CUBN: variants seen among roughly 807,000 people sequenced by gnomAD.
The protein encoded by CUBN is cubilin, also known as 460 kDa receptor.
In CUBN, 282 loss-of-function variants were observed where a neutral mutation model predicts 405.3. The ratio of observed to expected loss-of-function variants is 0.70; its 90% CI spans 0.63 to 0.77. The LOEUF is 0.77. Ranked by LOEUF, CUBN falls within the 30% of genes least tolerant of loss-of-function variation. The pLI is 0.00. For missense variants in CUBN, 4,514 were observed against 4,475.2 expected (o/e 1.01, Z -0.25); for synonymous variants, 1,684 against 1,617.0 (o/e 1.04, Z -0.99).
intron 36 of CUBN, among the ~76,000 whole-genome samples, chr10:16,944,090 C>G (rs1305003610): frequency 4.6e-5 from 7 of 152,124 alleles, no homozygotes; most frequent in African/African-American, 1.7e-4. Context: ...GAACTGAGAC[C>G]TATCACTTTC....
chr10:16,999,808 T>C (rs1833830069), intron 28 of CUBN, among the ~76,000 whole-genome samples: 1 of 152,222 alleles, frequency 6.6e-6, no homozygotes, highest in African/African-American at 2.4e-5. Context: ...ACAGGGCTCT[T>C]GCAGGGAAAA....
chr10:17,120,655 G>A (rs1333173256), intron 6 of CUBN, among the ~76,000 whole-genome samples: 2 of 152,226 alleles, frequency 1.3e-5, no homozygotes, highest in Non-Finnish European at 2.9e-5. Context: ...ATATGTGTGT[G>A]TGGATAAAGA....
chr10:16,888,178 C>T (rs185687066), intron 56 of CUBN, among the ~76,000 whole-genome samples: 60 of 152,158 alleles, frequency 3.9e-4, no homozygotes, highest in Admixed American at 2.7e-3. Context: ...GTGCCAATAG[C>T]GAATAACAAG....
chr10:16,937,655 C>G lies in CUBN; in HGVS notation c.5863G>C (p.Gly1955Arg), dbSNP rs1384236191. The part of the protein sequence containing the change: ...FYSDSSISGK[G>R]FLLEWFAVDA... Reference sequence around the variant, plus strand: ...ACTGCAAACCACTCCAGAAGGAATCCCTTCCCTGAGATTGAAGAGTCGGAG... The same window carrying G: ...ACTGCAAACCACTCCAGAAGGAATCGCTTCCCTGAGATTGAAGAGTCGGAG... The change falls in exon 39 of 67, where the codon GGA becomes CGA. Residue 1955 changes from glycine (G) to arginine (R), a missense_variant. By Grantham distance (125) the Gly-to-Arg change is moderately radical. Around this residue, in one of 5 missense-constraint regions of CUBN, gnomAD observed 1,613 missense variants for 1,542.8 expected, o/e 1.05. Transcript: ENST00000377833. 3 of 1,613,850 alleles carry G rather than the reference C, an allele frequency of 1.9e-6. No individual in the cohort carries two copies. Among genetic ancestry groups the G allele is most frequent in the Admixed American group, 1.7e-5 (1 of 59,968 alleles).
intron 13 of CUBN, among the ~76,000 whole-genome samples, chr10:17,100,485 C>T (rs1836471625): frequency 6.6e-6 from 1 of 151,982 alleles, no homozygotes; most frequent in African/African-American, 2.4e-5. Flanking sequence ...ATAGATTTAC[C>T]CCAATTTCAT....
At position 16,939,106 on chromosome 10, in the gene CUBN, C is replaced by T. The variant is rs199693560; in HGVS notation, c.5590G>A (p.Ala1864Thr). ...DNIVGTHGKV[A>T]SPFWPENYPH... ...TAGTTTTCAGGCCAGAAAGGAGAGG[C>T]GACTTTCCCATGAGTTCCCACAATA... The change falls in exon 38 of 67, where the codon GCC (alanine) becomes ACC (threonine). Residue 1864 changes from alanine (A) to threonine (T), a missense_variant. Ala to Thr is a moderately conservative substitution (Grantham distance 58, BLOSUM62 0). Transcript: ENST00000377833. The T allele has an allele frequency of 5.2e-5, 84 of 1,613,730 alleles. No individual in the cohort carries two copies. The highest frequency in any genetic ancestry group is 8.0e-5 in the African/African-American group (6 of 74,870).
At chr10:16,986,718 A>G (rs1001902421) in intron 29 of CUBN, among the ~76,000 whole-genome samples, 2 of 151,872 alleles carry the variant, frequency 1.3e-5, no homozygotes, top group African/African-American at 4.8e-5. Flanking sequence ...GTGTAGAGCC[A>G]GCTTTCTTTC....
At chr10:16,991,864 C>G (rs1431770113) in intron 28 of CUBN, among the ~76,000 whole-genome samples, 1 of 152,072 alleles carries the variant, frequency 6.6e-6, no homozygotes, top group Non-Finnish European at 1.5e-5. Flanking sequence ...CTACAAATAC[C>G]ATTTGACCCA....
At chr10:16,875,264 C>T (rs1042239785) in intron 57 of CUBN, among the ~76,000 whole-genome samples, 11 of 152,056 alleles carry the variant, frequency 7.2e-5, no homozygotes, top group African/African-American at 2.7e-4. Flanking sequence ...CCTTCTTATC[C>T]ACAATATAAA....
rs780087832 is a variant in CUBN, at chr10:16,940,059, T to A, written c.5521A>T (p.Thr1841Ser). 5.6e-6 allele frequency: 9 copies of A among 1,614,036 alleles called. No homozygotes were observed. Among genetic ancestry groups the A allele is most frequent in the Non-Finnish European group, 7.6e-6 (9 of 1,179,894 alleles). The change falls in exon 37 of 67, where the codon ACG becomes TCG. Residue 1841 changes from threonine (T) to serine (S), a missense_variant. This residue lies in a region of CUBN where 1,613 missense variants were observed against 1,542.8 expected (regional missense o/e 1.05). Transcript: ENST00000377833. ...RFISDGSGSG[T>S]GFQATFMKIF... ...TTCATAAATGTGGCCTGGAAGCCCG[T>A]GCCGCTGCCAGAACCATCTGAGATA...
intron 31 of CUBN, chr10:16,965,948 T>C (rs1843380064): frequency 2.1e-6 from 1 of 471,086 alleles, no homozygotes; most frequent in Non-Finnish European, 4.4e-6. Context: ...AAACCCCATC[T>C]GTCTGACGTC....
At chr10:16,955,619 G>A (rs1843041182) in intron 31 of CUBN, among the ~76,000 whole-genome samples, 1 of 152,010 alleles carries the variant, frequency 6.6e-6, no homozygotes, top group African/African-American at 2.4e-5. Flanking sequence ...TAAATCAGGG[G>A]GGAAATGAGT....
At chr10:16,960,720 A>G (rs1843194873) in intron 31 of CUBN, among the ~76,000 whole-genome samples, 1 of 152,186 alleles carries the variant, frequency 6.6e-6, no homozygotes, top group Non-Finnish European at 1.5e-5. Flanking sequence ...CATAGATTCA[A>G]TGCTGTAAAC....
At position 17,114,304 on chromosome 10, in the gene CUBN, C is replaced by T. The variant is rs1836838306; in HGVS notation, c.721-115G>A. ...TCCTCTAACGTTCATTTCCATAAGGCCAATCCACTGGCTTCTCTTTTTCTT... is the reference window on the plus strand; with the variant it reads ...TCCTCTAACGTTCATTTCCATAAGGTCAATCCACTGGCTTCTCTTTTTCTT... On this transcript the variant is annotated intron_variant, in intron 7 of 66. Transcript: ENST00000377833. 7 of 1,008,216 alleles carry T rather than the reference C, an allele frequency of 6.9e-6. No homozygotes were observed. In the South Asian group the frequency reaches 9.7e-5, roughly 14 times the overall value. The allele number at this position is 1,008,216 out of a possible 1,614,324, so 62.5% of individuals were successfully genotyped here.
intron 45 of CUBN, 122 bp downstream of exon 45, chr10:16,918,500 A>G (rs2131464218): frequency 1.4e-6 from 1 of 727,906 alleles, no homozygotes; most frequent in East Asian, 2.7e-5. Context: ...ATTAGGTACT[A>G]GGCATAGTAC....
Position 16,840,466 on chromosome 10 carries a change from G to A in CUBN, c.9896C>T (p.Pro3299Leu). Residue 3299 changes from proline (P) to leucine (L), a missense_variant, in exon 62 of 67, where the codon CCA becomes CTA. Around this residue, in one of 5 missense-constraint regions of CUBN, gnomAD observed 1,186 missense variants for 1,186.9 expected, o/e 1.00. Transcript: ENST00000377833. ...AGTACAGATGGAAAATGGGACATCT[G>A]GGTCTGATGAATTGGGTGATGAAAT... ...QNISSPNSSD[P>L]DVPFSICTWV... The A allele has an allele frequency of 6.2e-7, 1 of 1,613,900 alleles. No individual in the cohort carries two copies. The highest frequency in any genetic ancestry group is 1.1e-5 in the South Asian group (1 of 91,024).
chr10:17,014,547 G>A (rs146184058), intron 28 of CUBN, among the ~76,000 whole-genome samples: 138 of 152,258 alleles, frequency 9.1e-4, no homozygotes, highest in African/African-American at 3.0e-3. Context: ...GGCTGCTTTC[G>A]TTCCTTGCTG....
At chr10:16,882,108 C>A (rs1840679495) in intron 56 of CUBN, among the ~76,000 whole-genome samples, 1 of 152,210 alleles carries the variant, frequency 6.6e-6, no homozygotes, top group African/African-American at 2.4e-5. Context: ...TTTGGAAAAA[C>A]TTCTTCAAGA....
At chr10:17,032,502 T>G (rs1321629307) in intron 27 of CUBN, among the ~76,000 whole-genome samples, 2 of 152,148 alleles carry the variant, frequency 1.3e-5, no homozygotes, top group African/African-American at 4.8e-5. Context: ...ATCCCTGTTC[T>G]CCTGTGAGCA....
Sources: allele counts gnomAD v4.1 joint callset (sites outside exome capture counted in the v4.1 genomes callset), GRCh38; gene constraint gnomAD v4.1.1; regional missense constraint gnomAD v4.1.1; transcripts MANE v1.5; gene names NCBI Gene and HGNC (gene_info 2026-07-23, HGNC 2026-07-21).